Variants in GNAO1 observed in about 807,000 individuals in gnomAD.
The protein encoded by GNAO1 is G protein subunit alpha o1, also known as guanine nucleotide-binding protein G(o) subunit alpha.
For synonymous variants in GNAO1, 164 were observed against 180.7 expected (o/e 0.91, Z 0.74); for missense variants, 166 against 478.7 (o/e 0.35, Z 6.10).
intron 2 of GNAO1, among the ~76,000 whole-genome samples, chr16:56,215,356 C>A (rs974404219): frequency 3.9e-5 from 6 of 152,216 alleles, no homozygotes; most frequent in African/African-American, 1.4e-4. Flanking sequence ...GCACTACTAC[C>A]AGAACAGAAT....
chr16:56,209,609 T>C (rs2036366551), intron 2 of GNAO1, among the ~76,000 whole-genome samples: 1 of 152,228 alleles, frequency 6.6e-6, no homozygotes, highest in African/African-American at 2.4e-5. Context: ...GAGCATGATA[T>C]GTTTCACCAT....
rs1160318710 is a variant in GNAO1, at chr16:56,311,384, C to G, written c.304-17247C>G. 6.6e-6 allele frequency among the ~76,000 whole-genome samples: 1 copy of G among 152,134 alleles called. No individual in the cohort carries two copies. The highest frequency in any genetic ancestry group is 1.5e-5 in the Non-Finnish European group (1 of 68,008). On this transcript the variant is annotated intron_variant, in intron 3 of 8. Coordinates refer to ENST00000262493, the MANE Select transcript of GNAO1 (RefSeq NM_020988.3). The surrounding 1 kb of genome is among the most constrained non-coding windows in gnomAD (Gnocchi z 5.2). ...GTGCCAACCTCTCACCCAGTGAGCC[C>G]TGTGCAGCTCTTCCCCAGCAGAGGG...
chr16:56,335,841 A>G (rs1396676531), intron 5 of GNAO1, among the ~76,000 whole-genome samples: 2 of 152,142 alleles, frequency 1.3e-5, no homozygotes, highest in African/African-American at 4.8e-5. Flanking sequence ...TGCATTTCAG[A>G]TGGGGAGGTG....
chr16:56,342,123 AGGGCCTGT>A (rs1317762949), intron 6 of GNAO1, among the ~76,000 whole-genome samples: 8 of 152,100 alleles, frequency 5.3e-5, no homozygotes, highest in African/African-American at 1.9e-4. Context: ...GCCATAGTTG[AGGGCCTGT>A]GGATCCTGCC....
intron 2 of GNAO1, chr16:56,235,512 C>G (rs1426841452): frequency 4.6e-6 from 2 of 436,794 alleles, no homozygotes; most frequent in Admixed American, 4.9e-5. Flanking sequence ...GTCAGTTCTC[C>G]TCGACATCCC....
At chr16:56,212,671 A>G (rs980078013) in intron 2 of GNAO1, among the ~76,000 whole-genome samples, 7 of 152,230 alleles carry the variant, frequency 4.6e-5, no homozygotes, top group Non-Finnish European at 8.8e-5. Context: ...CTGCCTATCT[A>G]TGACACAGGA....
Position 56,355,054 on chromosome 16 carries a change from C to G in GNAO1, c.*1C>G. The G allele has an allele frequency of 5.6e-6, 9 of 1,606,278 alleles. No homozygotes were observed. Among genetic ancestry groups the G allele is most frequent in the Non-Finnish European group, 7.7e-6 (9 of 1,174,280 alleles). On this transcript the variant is annotated 3_prime_UTR_variant, in exon 8 of 9. Coordinates refer to ENST00000262493, the MANE Select transcript of GNAO1 (RefSeq NM_020988.3). ...CCTCCGGGGCTGCGGCTTGTACTGA[C>G]CTCTTGTCCTGTATAGCAACCTATT...
chr16:56,312,381 G>A (rs572527683), intron 3 of GNAO1, among the ~76,000 whole-genome samples: 16 of 152,360 alleles, frequency 1.1e-4, no homozygotes, highest in African/African-American at 3.6e-4. Flanking sequence ...ACTGGCTGCT[G>A]TCATGATCTC....
intron 2 of GNAO1, among the ~76,000 whole-genome samples, chr16:56,259,745 C>T (rs1381295260): frequency 6.6e-6 from 1 of 152,206 alleles, no homozygotes; most frequent in Non-Finnish European, 1.5e-5. Flanking sequence ...CTGGAAAGGC[C>T]TTTAAAGAGG....
At chr16:56,307,757 A>G (rs1260958546) in intron 3 of GNAO1, 1 of 152,232 alleles carries the variant, frequency 6.6e-6, no homozygotes, top group Non-Finnish European at 1.5e-5. Flanking sequence ...TCTGTCTTCC[A>G]TTCCCTCTGG....
chr16:56,295,432 A>C (rs552151601), intron 3 of GNAO1, among the ~76,000 whole-genome samples: 63 of 152,264 alleles, frequency 4.1e-4, no homozygotes, highest in African/African-American at 1.4e-3. Flanking sequence ...TCAGGGGCCT[A>C]GCACCTATCA....
intron 2 of GNAO1, among the ~76,000 whole-genome samples, chr16:56,255,132 A>G (rs2036834890): frequency 6.6e-6 from 1 of 152,182 alleles, no homozygotes; most frequent in Non-Finnish European, 1.5e-5. Context: ...CCCTTGTAGT[A>G]TGTCCCTTCT....
At chr16:56,227,330 G>A (rs1417333964) in intron 2 of GNAO1, among the ~76,000 whole-genome samples, 1 of 152,138 alleles carries the variant, frequency 6.6e-6, no homozygotes, top group Non-Finnish European at 1.5e-5. Flanking sequence ...GTGCTCTAGA[G>A]GAGCCCAGGT....
chr16:56,312,092 G>C (rs2037464855), intron 3 of GNAO1, among the ~76,000 whole-genome samples: 1 of 152,094 alleles, frequency 6.6e-6, no homozygotes, highest in Non-Finnish European at 1.5e-5. Flanking sequence ...TCTGCCCCTG[G>C]CTTGCTGATG....
At chr16:56,241,337 G>A (rs529436047) in intron 2 of GNAO1, among the ~76,000 whole-genome samples, 3 of 152,304 alleles carry the variant, frequency 2.0e-5, no homozygotes, top group South Asian at 2.1e-4. Flanking sequence ...TGCAGCACTA[G>A]CGATGCAGCA....
chr16:56,235,038 C>A, intron 2 of GNAO1: 1 of 311,330 alleles, frequency 3.2e-6, no homozygotes, highest in Admixed American at 4.4e-5. Context: ...AAATAAGGTG[C>A]TGCGGCACTT....
intron 6 of GNAO1, chr16:56,344,665 A>T: frequency 1.0e-6 from 1 of 985,440 alleles, no homozygotes; most frequent in African/African-American, 1.7e-5. Context: ...GAGAGATGGG[A>T]GGTGCGGGGA....
intron 2 of GNAO1, among the ~76,000 whole-genome samples, chr16:56,224,830 T>C (rs2036520537): frequency 6.6e-6 from 1 of 152,238 alleles, no homozygotes. Flanking sequence ...GGCATTTGGC[T>C]CCTTGGGACT....
intron 2 of GNAO1, among the ~76,000 whole-genome samples, chr16:56,242,422 C>T (rs1411979183): frequency 1.3e-5 from 2 of 152,052 alleles, no homozygotes; most frequent in Non-Finnish European, 2.9e-5. Context: ...TCAAAACTTG[C>T]TACAAAGCAA....
Sources: allele counts gnomAD v4.1 joint callset (sites outside exome capture counted in the v4.1 genomes callset), GRCh38; gene constraint gnomAD v4.1.1; non-coding constraint Gnocchi (gnomAD v3.1); transcripts MANE v1.5; gene names NCBI Gene and HGNC (gene_info 2026-07-23, HGNC 2026-07-21).